EPHB2: variants seen among roughly 807,000 people sequenced by gnomAD.
EPHB2 encodes ephrin type-B receptor 2.
In EPHB2, 18 loss-of-function variants were observed where a neutral mutation model predicts 96.4. The ratio of observed to expected loss-of-function variants is 0.19; its 90% CI spans 0.13 to 0.28. The LOEUF is 0.28. Among genes scored for constraint, EPHB2 ranks in the 10% least tolerant of loss-of-function variants. The probability of loss-of-function intolerance (pLI) is 1.00; values close to 1 mark genes in which losing one functional copy is unlikely to be tolerated. For synonymous variants in EPHB2, 506 were observed against 534.1 expected (o/e 0.95, Z 0.72); for missense variants, 989 against 1,355.4 (o/e 0.73, Z 4.25).
rs1220074843 is a variant in EPHB2, at chr1:22,858,938, G to A, written c.812-4099G>A. 6.6e-6 allele frequency among the ~76,000 whole-genome samples: 1 copy of A among 152,126 alleles called. No homozygotes were observed. Among genetic ancestry groups the A allele is most frequent in the Non-Finnish European group, 1.5e-5 (1 of 68,026 alleles). ...TACTGGGAGTTTACAGTCCAGCCAGGTAGACACATTCATAAGCAAGTAATT... is the reference window on the plus strand; with the variant it reads ...TACTGGGAGTTTACAGTCCAGCCAGATAGACACATTCATAAGCAAGTAATT... On this transcript the variant is annotated intron_variant, in intron 3 of 15. Coordinates refer to ENST00000374630, the MANE Select transcript of EPHB2 (RefSeq NM_017449.5). The surrounding 1 kb of genome is among the most constrained non-coding windows in gnomAD (Gnocchi z 7.7).
intron 1 of EPHB2, among the ~76,000 whole-genome samples, chr1:22,754,086 G>A (rs1644106694): frequency 6.6e-6 from 1 of 152,188 alleles, no homozygotes; most frequent in Non-Finnish European, 1.5e-5. Context: ...TGAGTGTTCT[G>A]TGGGCTCCTT....
At chr1:22,912,860 G>A in intron 15 of EPHB2, 1 of 501,982 alleles carries the variant, frequency 2.0e-6, no homozygotes, top group East Asian at 4.0e-5. Flanking sequence ...GGGGTTGGTA[G>A]GAAGGTTGAG....
chr1:22,887,082 A>G (rs111494009), intron 6 of EPHB2, among the ~76,000 whole-genome samples: 18 of 152,210 alleles, frequency 1.2e-4, no homozygotes, highest in African/African-American at 4.1e-4. Flanking sequence ...AGGATAGAGA[A>G]CAGCAGCCAG....
intron 6 of EPHB2, among the ~76,000 whole-genome samples, chr1:22,888,842 A>C (rs1471100122): frequency 6.6e-6 from 1 of 152,204 alleles, no homozygotes; most frequent in East Asian, 1.9e-4. Context: ...AGTGCAATCA[A>C]GTGAAAAAAC....
intron 3 of EPHB2, among the ~76,000 whole-genome samples, chr1:22,801,591 G>A (rs2148447897): frequency 6.6e-6 from 1 of 152,196 alleles, no homozygotes; most frequent in Non-Finnish European, 1.5e-5. Context: ...GAGAGGCCAG[G>A]CCTTAGAGGA....
intron 3 of EPHB2, among the ~76,000 whole-genome samples, chr1:22,851,006 T>C (rs1254183686): frequency 6.6e-6 from 1 of 152,150 alleles, no homozygotes; most frequent in Non-Finnish European, 1.5e-5. Context: ...AAATTCATCT[T>C]TGTTTAGATA....
At chr1:22,861,262 ACACTAAC>A (rs1207643434) in intron 3 of EPHB2, among the ~76,000 whole-genome samples, 1 of 152,180 alleles carries the variant, frequency 6.6e-6, no homozygotes, top group Non-Finnish European at 1.5e-5. Context: ...AGCAGCCTGC[ACACTAAC>A]CACTATGTTC....
intron 1 of EPHB2, among the ~76,000 whole-genome samples, chr1:22,757,892 C>G (rs1289541257): frequency 7.2e-6 from 1 of 139,752 alleles, no homozygotes; most frequent in African/African-American, 2.7e-5. Flanking sequence ...ACCATGCTCA[C>G]TATGTGTAAG....
intron 3 of EPHB2, among the ~76,000 whole-genome samples, chr1:22,789,294 T>C (rs999871374): frequency 6.6e-6 from 1 of 152,220 alleles, no homozygotes; most frequent in Admixed American, 6.5e-5. Context: ...TATAATTTAA[T>C]AGGAAAACAT....
At chr1:22,837,323 A>G (rs1480620196) in intron 3 of EPHB2, among the ~76,000 whole-genome samples, 3 of 152,112 alleles carry the variant, frequency 2.0e-5, no homozygotes, top group Non-Finnish European at 2.9e-5. Context: ...ACTTACTAGT[A>G]TGACTCCCTG....
At position 22,858,607 on chromosome 1, in the gene EPHB2, G is replaced by A. The variant is rs754206566; in HGVS notation, c.812-4430G>A. On this transcript the variant is annotated intron_variant, in intron 3 of 15. Transcript: ENST00000374630. The surrounding 1 kb of genome is among the most constrained non-coding windows in gnomAD (Gnocchi z 7.7). ...TTGTCTTCTTCCCACTTCTGCACGT[G>A]ACATGCAGGTGCCAGCAGGACAGGT... is the stretch of plus-strand genomic sequence containing the variant. Among the ~76,000 whole-genome samples, 5 of 152,198 alleles carry A rather than the reference G, an allele frequency of 3.3e-5. No homozygotes were observed. Among genetic ancestry groups the A allele is most frequent in the Non-Finnish European group, 7.3e-5 (5 of 68,044 alleles).
intron 3 of EPHB2, among the ~76,000 whole-genome samples, chr1:22,795,273 T>G (rs1644751333): frequency 6.6e-6 from 1 of 152,254 alleles, no homozygotes; most frequent in Non-Finnish European, 1.5e-5. Flanking sequence ...TTGTTAATTC[T>G]TTATTGGCAG....
At chr1:22,881,071 C>T (rs1399228130) in intron 5 of EPHB2, among the ~76,000 whole-genome samples, 6 of 151,830 alleles carry the variant, frequency 4.0e-5, no homozygotes, top group East Asian at 3.9e-4. Context: ...CCCAGGAGTT[C>T]GAGACCAACC....
rs560079928 is a variant in EPHB2 at position 22,865,726 on chromosome 1, G to A, written c.1303+514G>A. Among the ~76,000 whole-genome samples the A allele has an allele frequency of 2.0e-5, 3 of 152,310 alleles. No homozygotes were observed. In the East Asian group the frequency reaches 5.8e-4, roughly 29 times the overall value. ...GAGGCAGCATCTTTCTCTTTTGCAT[G>A]CATTCCACGGGCAGGGCCTCAGTCA... is the stretch of plus-strand genomic sequence containing the variant. On this transcript the variant is annotated intron_variant, in intron 5 of 15. Coordinates refer to ENST00000374630, the MANE Select transcript of EPHB2 (RefSeq NM_017449.5).
chr1:22,776,989 T>G (rs1487474638), intron 1 of EPHB2, among the ~76,000 whole-genome samples: 3 of 152,182 alleles, frequency 2.0e-5, no homozygotes, highest in Admixed American at 1.3e-4. Flanking sequence ...ATAGGGGTAG[T>G]TACCACCCAG....
At chr1:22,910,019 C>A (rs2124126242) in intron 13 of EPHB2, among the ~76,000 whole-genome samples, 1 of 152,204 alleles carries the variant, frequency 6.6e-6, no homozygotes, top group Middle Eastern at 3.4e-3. Flanking sequence ...AGCAAGGAGG[C>A]AGACTGGGGA....
intron 1 of EPHB2, among the ~76,000 whole-genome samples, chr1:22,716,488 C>A (rs1392520772): frequency 1.3e-5 from 2 of 152,180 alleles, no homozygotes; most frequent in African/African-American, 2.4e-5. Flanking sequence ...TGTGCCACTA[C>A]ACCCGGCTAA....
chr1:22,784,378 C>G lies in EPHB2; in HGVS notation c.127-14C>G, dbSNP rs1644577310. 1 of 1,613,648 alleles carries G rather than the reference C, an allele frequency of 6.2e-7. No individual in the cohort carries two copies. Among genetic ancestry groups the G allele is most frequent in the Admixed American group, 1.7e-5 (1 of 59,998 alleles). On this transcript the variant is annotated splice_polypyrimidine_tract_variant and intron_variant, in intron 2 of 15. Coordinates refer to ENST00000374630, the MANE Select transcript of EPHB2 (RefSeq NM_017449.5). This position sits in a 1 kb window ranked among gnomAD's most constrained non-coding sequence, Gnocchi z 5.1. ...AGCCCTTACCTCCCCACCTGACGAG[C>G]ATTTTACCCACAGTGGGAAGAGGTG...
rs1200545986 is a variant in EPHB2, at chr1:22,915,530, G to A, written c.*1960G>A. ...GTCAAAAGCACAGGCAACAAAGGAA[G>A]TGAGTTGGAAGTGGCTCAGAACTCA... On this transcript the variant is annotated 3_prime_UTR_variant, in exon 16 of 16. Coordinates refer to ENST00000374630, the MANE Select transcript of EPHB2 (RefSeq NM_017449.5). The A allele has an allele frequency of 2.6e-5, 4 of 152,210 alleles. No individual in the cohort carries two copies. The highest frequency in any genetic ancestry group is 4.4e-5 in the Non-Finnish European group (3 of 68,044). 9.4% of individuals were successfully genotyped at this position (152,210 alleles called of 1,614,324 possible).
Sources: gnomAD v4.1 joint callset for allele counts (sites outside exome capture counted in the v4.1 genomes callset) on GRCh38, gnomAD v4.1.1 for gene constraint, Gnocchi (gnomAD v3.1) non-coding constraint, MANE v1.5 for transcripts, NCBI Gene and HGNC (gene_info 2026-07-23, HGNC 2026-07-21) for gene names.